CTSH: variants seen among roughly 807,000 people sequenced by gnomAD.
CTSH encodes cathepsin H, also known as pro-cathepsin H.
In CTSH, 52 loss-of-function variants were observed where a neutral mutation model predicts 56.3. That is an observed-to-expected ratio of 0.92 (90% CI 0.74 to 1.16). The LOEUF (loss-of-function observed/expected upper bound fraction) is 1.16. Among genes scored for constraint, CTSH ranks in the 50% most tolerant of loss-of-function variants. The pLI is 0.00. For synonymous variants in CTSH, 174 were observed against 155.7 expected, an observed-to-expected ratio of 1.12 and a Z score of -0.88; for missense variants, 406 against 424.5, an observed-to-expected ratio of 0.96 and a Z score of 0.38.
intron 4 of CTSH, among the ~76,000 whole-genome samples, chr15:78,935,315 C>A (rs1266609636): frequency 4.6e-5 from 7 of 152,178 alleles, no homozygotes; most frequent in Non-Finnish European, 1.0e-4. Context: ...AAATACAGCT[C>A]ACCTAGTTAA....
intron 8 of CTSH, among the ~76,000 whole-genome samples, chr15:78,928,598 A>G (rs868138770): frequency 0.014 from 2,038 of 145,030 alleles, 86 homozygotes; most frequent in African/African-American, 0.049. Flanking sequence ...AAGAAGGGAG[A>G]GTAAAAGAGA....
chr15:78,944,804 G>A lies in CTSH; in HGVS notation c.91+87C>T. 9.0e-6 allele frequency: 13 copies of A among 1,449,602 alleles called. No homozygotes were observed. In the South Asian group the frequency reaches 1.8e-4, roughly 20 times the overall value. The allele number at this position is 1,449,602 out of a possible 1,614,324, so 89.8% of individuals were successfully genotyped here. ...GGGGAAAGCTCTGCCCCGTTCCTCC[G>A]GAGCCCAGTGCGCCCCTGGCCAAGT... On this transcript the variant is annotated intron_variant, in intron 1 of 11. Transcript: ENST00000220166.
intron 10 of CTSH, among the ~76,000 whole-genome samples, chr15:78,924,641 G>A (rs2054861588): frequency 6.6e-6 from 1 of 151,982 alleles, no homozygotes; most frequent in Non-Finnish European, 1.5e-5. Flanking sequence ...TAGTGTGTGA[G>A]GGCAGCTACT....
chr15:78,933,828 T>G (rs2055117043), intron 5 of CTSH, among the ~76,000 whole-genome samples: 1 of 152,244 alleles, frequency 6.6e-6, no homozygotes. Flanking sequence ...CTGTGGCTGC[T>G]GTCCGTCTCT....
intron 8 of CTSH, 89 bp downstream of exon 8, chr15:78,929,323 G>T: frequency 1.0e-6 from 1 of 988,294 alleles, no homozygotes; most frequent in East Asian, 2.5e-5. Context: ...GGGAGGTGGG[G>T]GGAGAAGGGA....
At chr15:78,927,492 T>A (rs1336351718) in intron 9 of CTSH, 2 of 580,374 alleles carry the variant, frequency 3.4e-6, no homozygotes, top group Non-Finnish European at 3.1e-6. Context: ...TGTGTGGATC[T>A]GGAGTTCAGA....
intron 5 of CTSH, chr15:78,933,526 C>A (rs1164194545): frequency 4.4e-6 from 2 of 455,226 alleles, no homozygotes; most frequent in Admixed American, 4.7e-5. Context: ...CTGGCCTCAC[C>A]CAATCTCTTC....
chr15:78,929,311 G>T, intron 8 of CTSH, 101 bp downstream of exon 8: 1 of 882,882 alleles, frequency 1.1e-6, no homozygotes, highest in Non-Finnish European at 1.8e-6. Context: ...ATTCCGGCGG[G>T]AGGGAGGTGG....
chr15:78,930,135 G>A lies in CTSH; in HGVS notation c.549-642C>T, dbSNP rs1217304251. 7.2e-5 allele frequency among the ~76,000 whole-genome samples: 11 copies of A among 152,350 alleles called. 1 individual carries two copies. The South Asian group carries it at 1.2e-3, about 17-fold the overall frequency. ...GCCCGCTCTTCCAGTTCTGCTGAGC[G>A]CTGTATCCCCAGGGCCTACACACAG... On this transcript the variant is annotated intron_variant, in intron 7 of 11. Coordinates refer to ENST00000220166, the MANE Select transcript of CTSH (RefSeq NM_004390.5).
intron 1 of CTSH, among the ~76,000 whole-genome samples, chr15:78,943,490 A>C (rs975225672): frequency 6.6e-6 from 1 of 152,176 alleles, no homozygotes; most frequent in East Asian, 1.9e-4. Flanking sequence ...TCGGTCTCCC[A>C]AATTGCTGAG....
rs1567387003 is a variant in CTSH, at chr15:78,944,953, G to A, written c.29C>T (p.Ala10Val). 2.6e-6 allele frequency: 4 copies of A among 1,546,596 alleles called. No homozygotes were observed. The highest frequency in any genetic ancestry group is 2.7e-5 in the African/African-American group (2 of 72,950). Reference sequence around the variant, plus strand: ...GGGGACTCCCAGGAGCCAGGCCCCGGCGCAGAGCAGCGGCAGCGTGGCCCA... The same window carrying A: ...GGGGACTCCCAGGAGCCAGGCCCCGACGCAGAGCAGCGGCAGCGTGGCCCA... The part of the protein sequence containing the change: MWATLPLLC[A>V]GAWLLGVPVC... The change falls in exon 1 of 12, where the codon GCC becomes GTC. Residue 10 changes from alanine to valine, a missense_variant. Transcript: ENST00000220166.
At chr15:78,942,209 T>C (rs1767759505) in intron 1 of CTSH, among the ~76,000 whole-genome samples, 1 of 142,760 alleles carries the variant, frequency 7.0e-6, no homozygotes, top group South Asian at 2.1e-4. Context: ...CTCCCTTTCT[T>C]TCCTTCTTTT....
intron 8 of CTSH, among the ~76,000 whole-genome samples, chr15:78,928,921 A>G (rs1260778789): frequency 6.6e-6 from 1 of 152,066 alleles, no homozygotes; most frequent in Non-Finnish European, 1.5e-5. Flanking sequence ...AGGGGAAATA[A>G]AGGAGGAGCA....
At chr15:78,925,094 T>C (rs2141519589) in intron 10 of CTSH, among the ~76,000 whole-genome samples, 1 of 152,316 alleles carries the variant, frequency 6.6e-6, no homozygotes, top group East Asian at 1.9e-4. Flanking sequence ...GTGGCCTGTG[T>C]CTGTCGTATC....
intron 9 of CTSH, chr15:78,927,236 C>A: frequency 6.3e-6 from 1 of 159,448 alleles, no homozygotes; most frequent in Non-Finnish European, 1.4e-5. Context: ...TGACACGGAG[C>A]ACACACCACC....
chr15:78,922,178 G>A lies in CTSH; in HGVS notation c.960C>T (p.Asn320=), dbSNP rs377615434. The change falls in exon 12 of 12, where the codon AAC becomes AAT. Residue 320 remains asparagine, a synonymous_variant. Transcript: ENST00000220166. ...NGYFLIERGK[N]MCGLAACASY... ...AGGCGCAGGCAGCCAGGCCACACAT[G>A]TTCTTTCCGCGCTCGATGAGGAAGT... 6 of 1,583,704 alleles carry A rather than the reference G, an allele frequency of 3.8e-6. No homozygotes were observed. Among genetic ancestry groups the A allele is most frequent in the Middle Eastern group, 2.0e-4 (1 of 5,024 alleles).
intron 7 of CTSH, 137 bp downstream of exon 7, chr15:78,931,314 G>T: frequency 9.0e-7 from 1 of 1,109,980 alleles, no homozygotes; most frequent in Non-Finnish European, 1.3e-6. Flanking sequence ...GACCACCCCT[G>T]TACAACAGAG....
rs1596264386 is a variant in CTSH, at chr15:78,922,353, C to T, written c.933-148G>A. 1.8e-5 allele frequency: 12 copies of T among 668,458 alleles called. No homozygotes were observed. In the East Asian group the frequency reaches 3.0e-4, roughly 17 times the overall value. 41.4% of individuals were successfully genotyped at this position (668,458 alleles called of 1,614,324 possible). A position where few individuals can be genotyped will look rare whatever the true frequency, so the allele number is the denominator to read the frequency against. On this transcript the variant is annotated intron_variant, in intron 11 of 11. Coordinates refer to ENST00000220166, the MANE Select transcript of CTSH (RefSeq NM_004390.5). Reference sequence around the variant, plus strand: ...CAGTAGCATTCGGCTTATTTGATCACCGGCAAATCACGGACCTGACTTTGT... The same window carrying T: ...CAGTAGCATTCGGCTTATTTGATCATCGGCAAATCACGGACCTGACTTTGT...
At chr15:78,935,994 T>C (rs1448445101) in intron 3 of CTSH, among the ~76,000 whole-genome samples, 1 of 152,096 alleles carries the variant, frequency 6.6e-6, no homozygotes, top group African/African-American at 2.4e-5. Context: ...CCAGAGATGC[T>C]AATGCAGTTG....
Sources: allele counts gnomAD v4.1 joint callset (sites outside exome capture counted in the v4.1 genomes callset), GRCh38; gene constraint gnomAD v4.1.1; transcripts MANE v1.5; gene names NCBI Gene and HGNC (gene_info 2026-07-23, HGNC 2026-07-21).